PPM1H: variants seen among roughly 807,000 people sequenced by gnomAD.
PPM1H encodes protein phosphatase 1H.
PPM1H carries 27 observed loss-of-function variants against 54.9 expected under a neutral mutation model. The observed-to-expected ratio is 0.49, with a 90% CI of 0.36 to 0.68. The LOEUF (loss-of-function observed/expected upper bound fraction) is 0.68, where lower values mean the gene tolerates loss of function less well. Among genes scored for constraint, PPM1H ranks in the 30% least tolerant of loss-of-function variants. The probability of loss-of-function intolerance (pLI) is 0.00; values close to 1 mark genes in which losing one functional copy is unlikely to be tolerated. For synonymous variants in PPM1H, 305 were observed against 270.8 expected (o/e 1.13, Z -1.24); for missense variants, 596 against 667.8 (o/e 0.89, Z 1.19).
chr12:62,881,854 G>A (rs540456549), intron 1 of PPM1H, among the ~76,000 whole-genome samples: 5 of 152,210 alleles, frequency 3.3e-5, no homozygotes, highest in Admixed American at 3.3e-4. Flanking sequence ...TGGTCTCCCT[G>A]CCTCTGGTTT....
intron 1 of PPM1H, among the ~76,000 whole-genome samples, chr12:62,846,655 C>A (rs1178771958): frequency 1.3e-5 from 2 of 152,010 alleles, no homozygotes; most frequent in Non-Finnish European, 2.9e-5. Flanking sequence ...ACAAAAAGCA[C>A]CCAGTTGCTA....
intron 4 of PPM1H, among the ~76,000 whole-genome samples, chr12:62,760,032 T>A (rs1187361023): frequency 6.6e-6 from 1 of 152,186 alleles, no homozygotes; most frequent in African/African-American, 2.4e-5. Flanking sequence ...TCCCTTAGCC[T>A]GTGTTCTCAA....
At chr12:62,659,845 T>C (rs1466468613) in intron 9 of PPM1H, among the ~76,000 whole-genome samples, 1 of 152,194 alleles carries the variant, frequency 6.6e-6, no homozygotes, top group Non-Finnish European at 1.5e-5. Flanking sequence ...TCCATTCCCC[T>C]TCCCTCAGGC....
At chr12:62,795,086 G>T (rs2076724799) in intron 3 of PPM1H, among the ~76,000 whole-genome samples, 2 of 152,110 alleles carry the variant, frequency 1.3e-5, no homozygotes, top group African/African-American at 2.4e-5. Flanking sequence ...AGTGGTCATA[G>T]GTCACCTTCA....
rs113641193 is a variant in PPM1H, at chr12:62,787,684, A to T, written c.869+542T>A. On this transcript the variant is annotated intron_variant, in intron 4 of 9. Transcript: ENST00000228705. ...TTTAAAAAATAAATGAAATAAAAAC[A>T]TAAATGTATCTTATTCCCTGGCAAT... 8.8e-3 allele frequency among the ~76,000 whole-genome samples: 1,334 copies of T among 152,330 alleles called. 26 individuals are homozygous for T. Among genetic ancestry groups the T allele is most frequent in the African/African-American group, 0.031 (1,288 of 41,564 alleles).
intron 1 of PPM1H, among the ~76,000 whole-genome samples, chr12:62,843,285 C>G (rs1316581697): frequency 6.6e-6 from 1 of 152,168 alleles, no homozygotes; most frequent in Non-Finnish European, 1.5e-5. Flanking sequence ...CCACTGCACT[C>G]CAGCCTAGGC....
intron 4 of PPM1H, among the ~76,000 whole-genome samples, chr12:62,781,581 G>GC (rs1331004157): frequency 2.6e-5 from 4 of 152,226 alleles, no homozygotes; most frequent in Non-Finnish European, 1.5e-5. Context: ...GGAGTCACCT[G>GC]TAGGACTTGC....
chr12:62,932,713 C>T (rs892509200), intron 1 of PPM1H, among the ~76,000 whole-genome samples: 1 of 136,742 alleles, frequency 7.3e-6, no homozygotes, highest in African/African-American at 2.7e-5. Flanking sequence ...TGGCTCACTG[C>T]CATCTCTGCC....
rs772357253 is a variant in PPM1H, at chr12:62,820,474, C to A, written c.411+11640G>T. ...GGTCCCTGAACCCCGAGTAGCCTAA[C>A]TGGGAGGCACCTCCCATTAGGGGCC... On this transcript the variant is annotated intron_variant, in intron 2 of 9. Transcript: ENST00000228705. 2.2e-4 allele frequency among the ~76,000 whole-genome samples: 34 copies of A among 152,232 alleles called. 1 individual carries two copies. The highest frequency in any genetic ancestry group is 4.4e-5 in the Non-Finnish European group (3 of 68,040).
chr12:62,907,608 TCTC>T, intron 1 of PPM1H, among the ~76,000 whole-genome samples: 1 of 152,254 alleles, frequency 6.6e-6, no homozygotes, highest in East Asian at 1.9e-4. Context: ...CTAGTCTAAG[TCTC>T]CTTTGTTTAT....
rs746381032 is a variant in PPM1H, at chr12:62,839,874, C to CAAAAAAAAAAAAAAAAAA, written c.246-7596_246-7595insTTTTTTTTTTTTTTTTTT. Among the ~76,000 whole-genome samples, 238 of 84,170 alleles carry CAAAAAAAAAAAAAAAAAA rather than the reference C, an allele frequency of 2.8e-3. 3 individuals are homozygous for CAAAAAAAAAAAAAAAAAA. The highest frequency in any genetic ancestry group is 0.011 in the African/African-American group (226 of 20,314). The allele number at this position is 84,170 out of a possible 152,430, so 55.2% of individuals were successfully genotyped here. A position where few individuals can be genotyped will look rare whatever the true frequency, so the allele number is the denominator to read the frequency against. On this transcript the variant is annotated intron_variant, in intron 1 of 9. Coordinates refer to ENST00000228705, the MANE Select transcript of PPM1H (RefSeq NM_020700.2). ...TCAACATGGTGTGATCCTGTTTCTACAAAAAAAAAAAAAAAACACCCAGTG... is the reference window on the plus strand; with the variant it reads ...TCAACATGGTGTGATCCTGTTTCTACAAAAAAAAAAAAAAAAAAAAAAAAAAAAAAAAAACACCCAGTG...
intron 4 of PPM1H, among the ~76,000 whole-genome samples, chr12:62,738,954 C>T (rs995473927): frequency 2.8e-5 from 4 of 142,940 alleles, no homozygotes; most frequent in African/African-American, 1.0e-4. Flanking sequence ...GCCCTAGTTG[C>T]TGCTGTCATA....
At chr12:62,815,993 A>T (rs2076863912) in intron 2 of PPM1H, among the ~76,000 whole-genome samples, 1 of 152,174 alleles carries the variant, frequency 6.6e-6, no homozygotes. Context: ...TTGACAGGGG[A>T]CACTGCTAAC....
intron 3 of PPM1H, among the ~76,000 whole-genome samples, chr12:62,793,490 C>T (rs1565790219): frequency 1.3e-5 from 2 of 151,688 alleles, no homozygotes; most frequent in Admixed American, 6.6e-5. Flanking sequence ...TTTGGGAGGC[C>T]GAGGCAGGCA....
rs555492089 is a variant in PPM1H at position 62,662,216 on chromosome 12, C to G, written c.1397+4962G>C. On this transcript the variant is annotated intron_variant, in intron 9 of 9. Transcript: ENST00000228705. The stretch of plus-strand genomic sequence containing the variant: ...CCAGCTTAGACACAGAAAAAAAGTG[C>G]TGAGTGCCTTTTAATGCATAACTGG... Among the ~76,000 whole-genome samples the G allele has an allele frequency of 7.9e-5, 12 of 152,264 alleles. No homozygotes were observed. In the South Asian group the frequency reaches 2.5e-3, roughly 32 times the overall value.
intron 4 of PPM1H, among the ~76,000 whole-genome samples, chr12:62,772,791 G>A (rs1406752786): frequency 6.6e-6 from 1 of 152,176 alleles, no homozygotes; most frequent in Non-Finnish European, 1.5e-5. Flanking sequence ...AGTCAGGTTG[G>A]TTGGCTCTGT....
At chr12:62,756,475 G>A (rs2076476603) in intron 4 of PPM1H, among the ~76,000 whole-genome samples, 1 of 151,908 alleles carries the variant, frequency 6.6e-6, no homozygotes, top group Admixed American at 6.6e-5. Flanking sequence ...TACTGCATAT[G>A]TAATCACAGT....
chr12:62,878,400 C>T (rs905162655), intron 1 of PPM1H, among the ~76,000 whole-genome samples: 7 of 152,072 alleles, frequency 4.6e-5, no homozygotes, highest in African/African-American at 1.7e-4. Context: ...GGAAATAATA[C>T]ACCATGGTTT....
chr12:62,801,395 G>A (rs1211794226), intron 3 of PPM1H, among the ~76,000 whole-genome samples: 1 of 151,842 alleles, frequency 6.6e-6, no homozygotes, highest in Admixed American at 6.6e-5. Flanking sequence ...TTGGCTCACT[G>A]CAATCTCTGT....
Sources: gnomAD v4.1 joint callset for allele counts (sites outside exome capture counted in the v4.1 genomes callset) on GRCh38, gnomAD v4.1.1 for gene constraint, MANE v1.5 for transcripts, NCBI Gene and HGNC (gene_info 2026-07-23, HGNC 2026-07-21) for gene names.